G2E3: variants seen among roughly 807,000 people sequenced by gnomAD.
The protein encoded by G2E3 is G2/M-phase specific E3 ubiquitin protein ligase.
Under a neutral mutation model 92.8 loss-of-function variants are expected in G2E3, and 35 were observed. The observed-to-expected ratio is 0.38, with a 90% CI of 0.29 to 0.50. G2E3 has a LOEUF of 0.50. G2E3 is among the 20% of genes least tolerant of loss of function. G2E3 has a pLI of 0.94. For synonymous variants in G2E3, 242 were observed against 272.4 expected (o/e 0.89, Z 1.10); for missense variants, 554 against 823.8 (o/e 0.67, Z 4.01).
chr14:30,615,452 A>G lies in G2E3; in HGVS notation c.1777A>G (p.Lys593Glu), dbSNP rs748044271. 39 of 1,612,406 alleles carry G rather than the reference A, an allele frequency of 2.4e-5. No individual in the cohort carries two copies. Among genetic ancestry groups the G allele is most frequent in the Middle Eastern group, 1.6e-4 (1 of 6,080 alleles). The part of the protein sequence containing the change: ...LCHKPESLSA[K>E]ILSELFTVHT... ...TCATAAACCTGAGAGTCTTTCTGCA[A>G]AAATCCTTAGTGAGCTTTTTACAGT... Residue 593 changes from lysine to glutamate, a missense_variant, in exon 14 of 15, where the codon AAA (lysine) becomes GAA (glutamate). Transcript: ENST00000206595.
At chr14:30,586,591 A>G in intron 2 of G2E3, 127 bp from the exon 3 acceptor site, 1 of 416,296 alleles carries the variant, frequency 2.4e-6, no homozygotes, top group African/African-American at 2.1e-5. Flanking sequence ...TAAGTTACTG[A>G]TATCAATATT....
In G2E3 at chr14:30,617,888, A is replaced by T. The variant is rs765862954; in HGVS notation, c.*1354A>T. 1 of 152,092 alleles carries T rather than the reference A, an allele frequency of 6.6e-6. No individual in the cohort carries two copies. The highest frequency in any genetic ancestry group is 2.4e-5 in the African/African-American group (1 of 41,420). 9.4% of individuals were successfully genotyped at this position (152,092 alleles called of 1,614,324 possible). A position where few individuals can be genotyped will look rare whatever the true frequency, so the allele number is the denominator to read the frequency against. On this transcript the variant is annotated 3_prime_UTR_variant, in exon 15 of 15. Transcript: ENST00000206595. Reference sequence around the variant, plus strand: ...AAACAAAGTCTGATGTCCTTAATCTATTAACATATTTAAATGATATAATGG... The same window carrying T: ...AAACAAAGTCTGATGTCCTTAATCTTTTAACATATTTAAATGATATAATGG...
At chr14:30,572,087 AGT>A (rs1389568833) in intron 1 of G2E3, among the ~76,000 whole-genome samples, 5 of 151,908 alleles carry the variant, frequency 3.3e-5, no homozygotes, top group African/African-American at 1.2e-4. Context: ...AGCTTTTCAG[AGT>A]GTAGTCTTTT....
At chr14:30,590,769 T>C (rs1272688076) in intron 4 of G2E3, 3 of 455,388 alleles carry the variant, frequency 6.6e-6, no homozygotes, top group Non-Finnish European at 1.3e-5. Context: ...AAACGTGAGA[T>C]ATTAGTATCA....
chr14:30,616,504 G>C lies in G2E3; in HGVS notation c.2091G>C (p.Lys697Asn). 1.2e-6 allele frequency: 2 copies of C among 1,601,724 alleles called. No individual in the cohort carries two copies. Among genetic ancestry groups the C allele is most frequent in the Non-Finnish European group, 1.7e-6 (2 of 1,172,600 alleles). ...FTIRNTLRLE[K>N]EESSHYIGH ...TAAGAAACACTCTAAGACTAGAAAA[G>C]GAAGAAAGTTCTCATTACATTGGAC... Residue 697 changes from lysine (K) to asparagine (N), a missense_variant, in exon 15 of 15, where the codon AAG (lysine) becomes AAC (asparagine). Lys to Asn is a moderately conservative substitution (Grantham distance 94, BLOSUM62 0). Around this residue, in one of 3 missense-constraint regions of G2E3, gnomAD observed 397 missense variants for 560.3 expected, o/e 0.71. Coordinates refer to ENST00000206595, the MANE Select transcript of G2E3 (RefSeq NM_017769.5).
rs552691486 is a variant in G2E3 at position 30,569,762 on chromosome 14, A to C, written c.-5+10490A>C. 2.6e-5 allele frequency among the ~76,000 whole-genome samples: 4 copies of C among 152,254 alleles called. No individual in the cohort carries two copies. The East Asian group carries it at 7.7e-4, about 29-fold the overall frequency. ...GTGAAGGGGGGGGATTATATTACTT[A>C]CTATCTGATAATCCAATCCAAGGAG... On this transcript the variant is annotated intron_variant, in intron 1 of 14. Transcript: ENST00000206595.
chr14:30,592,545 G>A (rs367674874), intron 5 of G2E3, 98 bp downstream of exon 5: 6 of 921,504 alleles, frequency 6.5e-6, no homozygotes, highest in Non-Finnish European at 8.1e-6. Context: ...TTTCTGTTTA[G>A]AGCATCAGAG....
At chr14:30,580,975 T>C in intron 1 of G2E3, 101 bp from the exon 2 acceptor site, 1 of 724,864 alleles carries the variant, frequency 1.4e-6, no homozygotes, top group South Asian at 1.5e-5. Flanking sequence ...ACTAGAGTAT[T>C]AGATGACTTA....
In G2E3 at chr14:30,598,516, T is replaced by C; in HGVS notation, c.669T>C (p.Tyr223=). The C allele has an allele frequency of 6.2e-7, 1 of 1,613,576 alleles. No individual in the cohort carries two copies. The highest frequency in any genetic ancestry group is 8.5e-7 in the Non-Finnish European group (1 of 1,179,426). ...DASWELEENA[Y]QELLQHYERC... is the part of the protein sequence containing the mutation. Reference sequence around the variant, plus strand: ...CCTGGGAATTAGAGGAAAACGCTTATCAAGAGCTTCTGCAGCACTATGAGC... The same window carrying C: ...CCTGGGAATTAGAGGAAAACGCTTACCAAGAGCTTCTGCAGCACTATGAGC... Residue 223 remains tyrosine (Y), a synonymous_variant, in exon 8 of 15, where the codon TAT becomes TAC. Coordinates refer to ENST00000206595, the MANE Select transcript of G2E3 (RefSeq NM_017769.5).
At chr14:30,569,800 C>A (rs1176609114) in intron 1 of G2E3, among the ~76,000 whole-genome samples, 1 of 152,054 alleles carries the variant, frequency 6.6e-6, no homozygotes, top group Non-Finnish European at 1.5e-5. Flanking sequence ...TTATATAATC[C>A]AACCAAATGG....
At chr14:30,612,490 A>G in intron 13 of G2E3, 111 bp downstream of exon 13, 1 of 690,790 alleles carries the variant, frequency 1.4e-6, no homozygotes, top group Non-Finnish European at 2.4e-6. Context: ...TTCTCAGAAA[A>G]AAATTTAAAT....
intron 1 of G2E3, among the ~76,000 whole-genome samples, chr14:30,568,601 T>C (rs973922534): frequency 3.3e-5 from 5 of 152,168 alleles, no homozygotes; most frequent in Non-Finnish European, 5.9e-5. Context: ...GGATTACAAT[T>C]AATATCTTAA....
intron 1 of G2E3, among the ~76,000 whole-genome samples, chr14:30,579,664 T>G (rs1229877179): frequency 2.6e-5 from 4 of 152,214 alleles, no homozygotes; most frequent in Non-Finnish European, 5.9e-5. Flanking sequence ...TTTTTTGTTC[T>G]CTTTCATTAT....
chr14:30,592,476 G>A (rs771980427), intron 5 of G2E3, 29 bp downstream of exon 5: 15 of 1,512,916 alleles, frequency 9.9e-6, no homozygotes, highest in Non-Finnish European at 1.3e-5. Flanking sequence ...AAATATGAAA[G>A]TTCAGTGTTA....
At chr14:30,563,909 G>A (rs1190354883) in intron 1 of G2E3, among the ~76,000 whole-genome samples, 2 of 152,092 alleles carry the variant, frequency 1.3e-5, no homozygotes, top group African/African-American at 2.4e-5. Context: ...AGTAGAGACA[G>A]GGTTTCGCCA....
intron 1 of G2E3, chr14:30,573,397 AAAC>A (rs1879880434): frequency 6.8e-6 from 1 of 146,514 alleles, no homozygotes; most frequent in Admixed American, 6.9e-5. Flanking sequence ...AGAGAAACAG[AAAC>A]AACAGGATAT....
chr14:30,600,004 C>T (rs1881488634), intron 8 of G2E3, among the ~76,000 whole-genome samples: 1 of 152,108 alleles, frequency 6.6e-6, no homozygotes, highest in Admixed American at 6.5e-5. Flanking sequence ...ATTTGAGGTA[C>T]AGTGTACTGT....
chr14:30,614,910 TA>T (rs1388418770), intron 13 of G2E3, among the ~76,000 whole-genome samples: 1 of 152,190 alleles, frequency 6.6e-6, no homozygotes, highest in Non-Finnish European at 1.5e-5. Context: ...TGCTTTATCT[TA>T]ATTTCTTTTT....
chr14:30,611,921 G>A (rs1267588465), intron 12 of G2E3: 1 of 223,402 alleles, frequency 4.5e-6, no homozygotes, highest in Non-Finnish European at 8.8e-6. Flanking sequence ...CTAGTAGCTA[G>A]TCTTACCTAG....
Sources: gnomAD v4.1 joint callset for allele counts (sites outside exome capture counted in the v4.1 genomes callset) on GRCh38, gnomAD v4.1.1 for gene constraint, gnomAD v4.1.1 regional missense constraint, MANE v1.5 for transcripts, NCBI Gene and HGNC (gene_info 2026-07-23, HGNC 2026-07-21) for gene names.